Variants in PTGFRN observed in about 807,000 individuals in gnomAD.
PTGFRN encodes prostaglandin F2 receptor inhibitor.
Under a neutral mutation model 83.2 loss-of-function variants are expected in PTGFRN, and 35 were observed. The ratio of observed to expected loss-of-function variants is 0.42; its 90% CI spans 0.32 to 0.56. The LOEUF is 0.56. PTGFRN is among the 20% of genes least tolerant of loss of function. The pLI is 0.11. For missense variants in PTGFRN, 1,051 were observed against 1,179.5 expected (o/e 0.89, Z 1.60); for synonymous variants, 519 against 498.6 (o/e 1.04, Z -0.55).
intron 6 of PTGFRN, among the ~76,000 whole-genome samples, chr1:116,973,798 C>T (rs1651068604): frequency 6.6e-6 from 1 of 152,080 alleles, no homozygotes; most frequent in African/African-American, 2.4e-5. Context: ...TGCAGTGAGA[C>T]CACTCACTCC....
chr1:116,949,649 G>C, intron 4 of PTGFRN, 77 bp downstream of exon 4: 1 of 1,524,780 alleles, frequency 6.6e-7, no homozygotes. Flanking sequence ...GTTATCTCAG[G>C]AGGCTCTGCG....
In PTGFRN at chr1:116,944,832, C is replaced by T. The variant is rs1319878868; in HGVS notation, c.572C>T (p.Pro191Leu). 6.3e-7 allele frequency: 1 copy of T among 1,583,994 alleles called. No individual in the cohort carries two copies. Reference protein sequence around the residue: ...LALLWEVHRGPARRSVLALTH... With the variant: ...LALLWEVHRGLARRSVLALTH... ...CTGCTGTGGGAGGTGCACCGCGGCC[C>T]GGCCAGGCGGAGCGTCCTCGCCCTG... Residue 191 changes from proline (P) to leucine (L), a missense_variant, in exon 3 of 9, where the codon CCG becomes CTG. Coordinates refer to ENST00000393203, the MANE Select transcript of PTGFRN (RefSeq NM_020440.4).
At chr1:116,944,386 A>G (rs905944061) in intron 2 of PTGFRN, among the ~76,000 whole-genome samples, 2 of 152,222 alleles carry the variant, frequency 1.3e-5, no homozygotes, top group African/African-American at 4.8e-5. Flanking sequence ...ACAGAGGGGT[A>G]AAGTAACTTG....
chr1:116,910,160 CG>C lies in PTGFRN; in HGVS notation c.-40del. 1 of 1,512,554 alleles carries C rather than the reference CG, an allele frequency of 6.6e-7. No individual in the cohort carries two copies. Among genetic ancestry groups the C allele is most frequent in the Non-Finnish European group, 8.8e-7 (1 of 1,135,194 alleles). 93.7% of individuals were successfully genotyped at this position (1,512,554 alleles called of 1,614,324 possible). On this transcript the variant is annotated 5_prime_UTR_variant, in exon 1 of 9. Transcript: ENST00000393203. ...GGAAGAGGAGGAGGAGGAGAGGCGG[CG>C]GGGAAGGAGGAGGAGGGGGAGAGTC...
At chr1:116,975,114 G>T (rs942997320) in intron 7 of PTGFRN, among the ~76,000 whole-genome samples, 5 of 152,218 alleles carry the variant, frequency 3.3e-5, no homozygotes, top group African/African-American at 1.2e-4. Context: ...TGCCCACAGA[G>T]CCTCGCTCAT....
chr1:116,987,050 G>C lies in PTGFRN; in HGVS notation c.*83G>C. On this transcript the variant is annotated 3_prime_UTR_variant, in exon 9 of 9. Coordinates refer to ENST00000393203, the MANE Select transcript of PTGFRN (RefSeq NM_020440.4). ...GGACAGTGATATTTTAAAACAAAGT[G>C]TGTTACACTAAAAACCAGTCCTCTC... 1 of 1,527,270 alleles carries C rather than the reference G, an allele frequency of 6.5e-7. No individual in the cohort carries two copies. Among genetic ancestry groups the C allele is most frequent in the Non-Finnish European group, 8.9e-7 (1 of 1,119,436 alleles). The allele number at this position is 1,527,270 out of a possible 1,614,324, so 94.6% of individuals were successfully genotyped here.
intron 2 of PTGFRN, 71 bp downstream of exon 2, chr1:116,942,154 T>G (rs1650080142): frequency 6.6e-7 from 1 of 1,518,342 alleles, no homozygotes; most frequent in Non-Finnish European, 8.8e-7. Context: ...TGGTGGACTT[T>G]GTCAAGAGAC....
At chr1:116,917,832 G>A (rs7526714) in intron 1 of PTGFRN, among the ~76,000 whole-genome samples, 3,621 of 151,950 alleles carry the variant, frequency 0.024, 168 homozygotes, top group African/African-American at 0.082. Context: ...TATGTTTCTC[G>A]GACTGGTCTC....
At position 116,910,150 on chromosome 1, in the gene PTGFRN, G is replaced by A; in HGVS notation, c.-54G>A. On this transcript the variant is annotated 5_prime_UTR_variant, in exon 1 of 9. Transcript: ENST00000393203. ...AGCCGGAGCTGGAAGAGGAGGAGGAGGAGAGGCGGCGGGGAAGGAGGAGGA... is the reference window on the plus strand; with the variant it reads ...AGCCGGAGCTGGAAGAGGAGGAGGAAGAGAGGCGGCGGGGAAGGAGGAGGA... 2 of 1,510,928 alleles carry A rather than the reference G, an allele frequency of 1.3e-6. No individual in the cohort carries two copies. Among genetic ancestry groups the A allele is most frequent in the Non-Finnish European group, 8.8e-7 (1 of 1,132,378 alleles). The allele number at this position is 1,510,928 out of a possible 1,614,324, so 93.6% of individuals were successfully genotyped here.
At position 116,949,453 on chromosome 1, in the gene PTGFRN, A is replaced by G; in HGVS notation, c.1094A>G (p.Lys365Arg). 5 of 1,614,238 alleles carry G rather than the reference A, an allele frequency of 3.1e-6. No homozygotes were observed. The highest frequency in any genetic ancestry group is 4.2e-6 in the Non-Finnish European group (5 of 1,180,046). ...SYHLLVRDVS[K>R]ENSGYYYCHV... ...CATTTACTGGTTCGGGATGTTAGCA[A>G]AGAAAACTCTGGCTACTATTACTGC... The change falls in exon 4 of 9, where the codon AAA (lysine) becomes AGA (arginine). Residue 365 changes from lysine (K) to arginine (R), a missense_variant. Around this residue, in one of 3 missense-constraint regions of PTGFRN, gnomAD observed 719 missense variants for 836.6 expected, o/e 0.86. Coordinates refer to ENST00000393203, the MANE Select transcript of PTGFRN (RefSeq NM_020440.4).
chr1:116,954,298 C>G (rs183204423), intron 4 of PTGFRN, among the ~76,000 whole-genome samples: 284 of 152,188 alleles, frequency 1.9e-3, no homozygotes, highest in African/African-American at 6.5e-3. Context: ...CCTCCCACCC[C>G]CTCCCAACAA....
At chr1:116,967,597 C>T (rs534591099) in intron 6 of PTGFRN, among the ~76,000 whole-genome samples, 7 of 152,308 alleles carry the variant, frequency 4.6e-5, no homozygotes, top group South Asian at 4.1e-4. Context: ...CCATTCCCCA[C>T]CTCCCATTCT....
At chr1:116,919,964 T>G (rs888992162) in intron 1 of PTGFRN, among the ~76,000 whole-genome samples, 2 of 152,172 alleles carry the variant, frequency 1.3e-5, no homozygotes, top group African/African-American at 2.4e-5. Flanking sequence ...ATCCCAAAGG[T>G]CTCCCCTTCC....
At chr1:116,974,946 G>T (rs546589902) in intron 7 of PTGFRN, among the ~76,000 whole-genome samples, 1 of 152,174 alleles carries the variant, frequency 6.6e-6, no homozygotes, top group African/African-American at 2.4e-5. Context: ...CCCGGGAAGC[G>T]CAAGGGGTTA....
chr1:116,949,569 C>A lies in PTGFRN; in HGVS notation c.1210C>A (p.Leu404Ile). 1 of 1,611,316 alleles carries A rather than the reference C, an allele frequency of 6.2e-7. No homozygotes were observed. Among genetic ancestry groups the A allele is most frequent in the African/African-American group, 1.3e-5 (1 of 75,014 alleles). The stretch of plus-strand genomic sequence containing the variant: ...CCCAGCTGGTGTGGGTGTGACCTGG[C>A]TAGGTGAGTGGTTTGGAGAATGACT... ...SSPAGVGVTW[L>I]EPDYQVYLNA... Residue 404 changes from leucine to isoleucine, a missense_variant, in exon 4 of 9, where the codon CTA becomes ATA. Around this residue, in one of 3 missense-constraint regions of PTGFRN, gnomAD observed 719 missense variants for 836.6 expected, o/e 0.86. Transcript: ENST00000393203.
In PTGFRN at chr1:116,961,273, C is replaced by T; in HGVS notation, c.1244C>T (p.Ser415Phe). The change falls in exon 5 of 9, where the codon TCC (serine) becomes TTC (phenylalanine). Residue 415 changes from serine to phenylalanine, a missense_variant. Coordinates refer to ENST00000393203, the MANE Select transcript of PTGFRN (RefSeq NM_020440.4). The surrounding 1 kb of genome is among the most constrained non-coding windows in gnomAD (Gnocchi z 5.4). ...EPDYQVYLNASKVPGFADDPT... is the reference protein window; with the variant it reads ...EPDYQVYLNAFKVPGFADDPT... ...GACTACCAGGTGTACCTGAATGCTT[C>T]CAAGGTCCCCGGGTTTGCGGATGAC... is the stretch of plus-strand genomic sequence containing the variant. The T allele has an allele frequency of 6.6e-7, 1 of 1,522,648 alleles. No individual in the cohort carries two copies. Among genetic ancestry groups the T allele is most frequent in the Non-Finnish European group, 8.8e-7 (1 of 1,136,000 alleles). The allele number at this position is 1,522,648 out of a possible 1,614,324, so 94.3% of individuals were successfully genotyped here.
intron 4 of PTGFRN, among the ~76,000 whole-genome samples, chr1:116,950,429 CCT>C (rs1491508047): frequency 7.5e-5 from 11 of 147,530 alleles, no homozygotes; most frequent in African/African-American, 1.7e-4. Flanking sequence ...CACATTCCCC[CCT>C]GTTTTGATCT....
intron 1 of PTGFRN, among the ~76,000 whole-genome samples, chr1:116,932,890 C>G (rs564367076): frequency 6.6e-6 from 1 of 152,166 alleles, no homozygotes; most frequent in Non-Finnish European, 1.5e-5. Flanking sequence ...GAGTCCCTCA[C>G]GTTATAGCTG....
intron 6 of PTGFRN, among the ~76,000 whole-genome samples, chr1:116,972,650 C>T (rs1417625780): frequency 6.6e-6 from 1 of 152,232 alleles, no homozygotes; most frequent in Non-Finnish European, 1.5e-5. Context: ...GTTTTACAGT[C>T]AGCACCTAGG....
Sources: gnomAD v4.1 joint callset for allele counts (sites outside exome capture counted in the v4.1 genomes callset) on GRCh38, gnomAD v4.1.1 for gene constraint, gnomAD v4.1.1 regional missense constraint, Gnocchi (gnomAD v3.1) non-coding constraint, MANE v1.5 for transcripts, NCBI Gene and HGNC (gene_info 2026-07-23, HGNC 2026-07-21) for gene names.